The following ARHGEF10L variants were observed in gnomAD, a reference collection of about 807,000 sequenced individuals.
ARHGEF10L encodes the protein Rho guanine nucleotide exchange factor 10 like.
A neutral mutation model predicts 141.2 loss-of-function variants in ARHGEF10L; 69 were observed. The observed-to-expected ratio is 0.49, with a 90% confidence interval of 0.40 to 0.60. The LOEUF (loss-of-function observed/expected upper bound fraction) is 0.60. Among genes scored for constraint, ARHGEF10L ranks in the 20% least tolerant of loss-of-function variants. The probability of loss-of-function intolerance (pLI) is 0.00; values close to 1 mark genes in which losing one functional copy is unlikely to be tolerated. For missense variants in ARHGEF10L, 1,482 were observed against 1,734.3 expected, an observed-to-expected ratio of 0.85 and a Z score of 2.58; for synonymous variants, 711 against 718.5, an observed-to-expected ratio of 0.99 and a Z score of 0.17.
chr1:17,626,020 G>C lies in ARHGEF10L; in HGVS notation c.1382G>C (p.Arg461Thr). 1 of 1,613,972 alleles carries C rather than the reference G, an allele frequency of 6.2e-7. No individual in the cohort carries two copies. The highest frequency in any genetic ancestry group is 8.5e-7 in the Non-Finnish European group (1 of 1,179,906). ...LYGLMVKPIQRFPQFILLLQD... is the reference protein window; with the variant it reads ...LYGLMVKPIQTFPQFILLLQD... Reference sequence around the variant, plus strand: ...GGGCTGATGGTCAAGCCCATCCAGAGGTTCCCACAGTTCATACTCCTGCTT... The same window carrying C: ...GGGCTGATGGTCAAGCCCATCCAGACGTTCCCACAGTTCATACTCCTGCTT... The change falls in exon 14 of 29, where the codon AGG becomes ACG. Residue 461 changes from arginine to threonine, a missense_variant. By Grantham distance (71) the Arg-to-Thr change is moderately conservative. Transcript: ENST00000361221.
At chr1:17,633,500 C>T (rs1177255275) in intron 16 of ARHGEF10L, among the ~76,000 whole-genome samples, 9 of 151,946 alleles carry the variant, frequency 5.9e-5, no homozygotes, top group African/African-American at 1.7e-4. Flanking sequence ...TGTGCCACCA[C>T]ACCTAGCTAA....
At chr1:17,638,040 C>T (rs754387968) in intron 19 of ARHGEF10L, 37 bp downstream of exon 19, 2 of 1,538,436 alleles carry the variant, frequency 1.3e-6, no homozygotes, top group Non-Finnish European at 1.8e-6. Context: ...GCCTGAGCTC[C>T]CCAGTGTGGG....
At chr1:17,685,064 G>A (rs985885957) in intron 26 of ARHGEF10L, among the ~76,000 whole-genome samples, 4 of 152,228 alleles carry the variant, frequency 2.6e-5, no homozygotes, top group East Asian at 3.9e-4. Context: ...GTGGGAAACC[G>A]CTTAGTGATT....
intron 1 of ARHGEF10L, among the ~76,000 whole-genome samples, chr1:17,564,121 A>G (rs913173483): frequency 2.0e-5 from 3 of 152,206 alleles, no homozygotes; most frequent in Non-Finnish European, 2.9e-5. Context: ...GCTCTGGCAC[A>G]GCTGGCACAT....
chr1:17,526,368 T>C, the ARHGEF10L span, among the ~76,000 whole-genome samples: 1 of 152,210 alleles, frequency 6.6e-6, no homozygotes, highest in African/African-American at 2.4e-5. Context: ...AGAAGAGGCC[T>C]CCTAAGTCCT....
chr1:17,539,765 G>C lies in ARHGEF10L; in HGVS notation c.-229G>C, dbSNP rs2076646083. ...CGGCGGGCGCGGGCGCAGTCCCGGC[G>C]GGCCCGGACCTCGCGGGCGGGCGGG... On this transcript the variant is annotated 5_prime_UTR_variant, in exon 1 of 29. Transcript: ENST00000361221. This position sits in a 1 kb window ranked among gnomAD's most constrained non-coding sequence, Gnocchi z 6.0. 6.8e-6 allele frequency: 1 copy of C among 146,318 alleles called. No homozygotes were observed. The highest frequency in any genetic ancestry group is 1.5e-5 in the Non-Finnish European group (1 of 65,618). The allele number at this position is 146,318 out of a possible 1,614,324, so 9.1% of individuals were successfully genotyped here. A position where few individuals can be genotyped will look rare whatever the true frequency, so the allele number is the denominator to read the frequency against.
At chr1:17,593,059 C>T (rs1025979759) in intron 4 of ARHGEF10L, among the ~76,000 whole-genome samples, 6 of 152,154 alleles carry the variant, frequency 3.9e-5, no homozygotes, top group African/African-American at 9.7e-5. Flanking sequence ...GGATCCCAGG[C>T]CCTTTGAGGA....
Position 17,664,766 on chromosome 1 carries a change from C to T in ARHGEF10L, c.3009+171C>T, listed in dbSNP as rs78752990. 2.7e-3 allele frequency among the ~76,000 whole-genome samples: 417 copies of T among 152,354 alleles called. 17 individuals are homozygous for T. In the East Asian group the frequency reaches 0.066, roughly 24 times the overall value. On this transcript the variant is annotated intron_variant, in intron 26 of 28. Transcript: ENST00000361221. ...CCAAGGTCCCTATTGGGCCTGACCT[C>T]TTCCTCTGCCACACATCGCCAAGGC...
intron 21 of ARHGEF10L, among the ~76,000 whole-genome samples, chr1:17,640,566 G>A (rs909948989): frequency 2.6e-5 from 4 of 152,196 alleles, no homozygotes; most frequent in Non-Finnish European, 4.4e-5. Flanking sequence ...TAAATTAGTG[G>A]TTGCCAGGGA....
rs202046601 is a variant in ARHGEF10L, at chr1:17,661,893, TGA to T, written c.2861-2550_2861-2549del. Among the ~76,000 whole-genome samples, 380 of 152,230 alleles carry T rather than the reference TGA, an allele frequency of 2.5e-3. 3 individuals carry two copies. Among genetic ancestry groups the T allele is most frequent in the African/African-American group, 7.2e-3 (298 of 41,550 alleles). ...CCAGCTGCAGAGGCCTTCAGAAACC[TGA>T]GAGGGCAGTGGGGTTGGAGAAGCAG... On this transcript the variant is annotated intron_variant, in intron 25 of 28. Coordinates refer to ENST00000361221, the MANE Select transcript of ARHGEF10L (RefSeq NM_018125.4).
intron 2 of ARHGEF10L, among the ~76,000 whole-genome samples, chr1:17,586,086 A>G (rs1390515487): frequency 1.3e-5 from 2 of 152,130 alleles, no homozygotes; most frequent in Non-Finnish European, 2.9e-5. Context: ...GAAGCCAGGG[A>G]TGCTGCTAAT....
chr1:17,541,628 C>T (rs766791592), intron 1 of ARHGEF10L, among the ~76,000 whole-genome samples: 5 of 151,950 alleles, frequency 3.3e-5, no homozygotes, highest in Non-Finnish European at 5.9e-5. Flanking sequence ...GTCAGGAGTT[C>T]GGGATCAGCT....
intron 2 of ARHGEF10L, among the ~76,000 whole-genome samples, chr1:17,585,482 G>A (rs1400254809): frequency 6.6e-6 from 1 of 152,170 alleles, no homozygotes; most frequent in African/African-American, 2.4e-5. Flanking sequence ...GCTGCCCAGA[G>A]TCCACCCCTG....
intron 1 of ARHGEF10L, among the ~76,000 whole-genome samples, chr1:17,540,894 C>T (rs916353200): frequency 5.3e-5 from 8 of 152,166 alleles, no homozygotes; most frequent in Admixed American, 4.6e-4. Context: ...GTTGTGCGGG[C>T]TCATTAGAAT....
rs535543589 is a variant in ARHGEF10L at position 17,559,974 on chromosome 1, G to A, written c.-44+20024G>A. ...AGGGTTGGGTGACTCAGGCATGCCT[G>A]ATGCCCTGCAAGATTTGGTTCACAA... On this transcript the variant is annotated intron_variant, in intron 1 of 28. Coordinates refer to ENST00000361221, the MANE Select transcript of ARHGEF10L (RefSeq NM_018125.4). Among the ~76,000 whole-genome samples the A allele has an allele frequency of 3.8e-4, 58 of 152,240 alleles. No homozygotes were observed. In the South Asian group the frequency reaches 7.3e-3, roughly 19 times the overall value.
At chr1:17,671,315 G>A (rs1201175087) in intron 26 of ARHGEF10L, among the ~76,000 whole-genome samples, 1 of 152,224 alleles carries the variant, frequency 6.6e-6, no homozygotes, top group Non-Finnish European at 1.5e-5. Context: ...CAAGGAAGTA[G>A]GGCAGGGAGT....
chr1:17,530,013 A>C, the ARHGEF10L span, among the ~76,000 whole-genome samples: 1 of 151,574 alleles, frequency 6.6e-6, no homozygotes, highest in Admixed American at 6.6e-5. Flanking sequence ...TTGTATTTTT[A>C]GTAGAGATGG....
Position 17,576,865 on chromosome 1 carries a change from G to A in ARHGEF10L, c.-43-3688G>A, listed in dbSNP as rs143746037. 5.2e-3 allele frequency among the ~76,000 whole-genome samples: 798 copies of A among 152,322 alleles called. 7 individuals carry two copies. Among genetic ancestry groups the A allele is most frequent in the African/African-American group, 0.018 (766 of 41,576 alleles). ...CGGCACCAAATCCTATCCTCTAAAC[G>A]TGGCCTTCGGTGTCACCGCCTGGAG... On this transcript the variant is annotated intron_variant, in intron 1 of 28. Coordinates refer to ENST00000361221, the MANE Select transcript of ARHGEF10L (RefSeq NM_018125.4).
Position 17,584,747 on chromosome 1 carries a change from A to C in ARHGEF10L, c.38-2713A>C, listed in dbSNP as rs576335609. Among the ~76,000 whole-genome samples, 5 of 152,298 alleles carry C rather than the reference A, an allele frequency of 3.3e-5. No homozygotes were observed. In the East Asian group the frequency reaches 9.7e-4, roughly 29 times the overall value. On this transcript the variant is annotated intron_variant, in intron 2 of 28. Coordinates refer to ENST00000361221, the MANE Select transcript of ARHGEF10L (RefSeq NM_018125.4). ...TGGGGCTGCGGGTGCAAAGGTCCTG[A>C]GGCAGGAGCATGCCTGGCACATTTG...
Sources: gnomAD v4.1 joint callset for allele counts (sites outside exome capture counted in the v4.1 genomes callset) on GRCh38, gnomAD v4.1.1 for gene constraint, Gnocchi (gnomAD v3.1) non-coding constraint, MANE v1.5 for transcripts, NCBI Gene and HGNC (gene_info 2026-07-23, HGNC 2026-07-21) for gene names.